The following TAFA1 variants were observed in gnomAD, a reference collection of about 807,000 sequenced individuals.
TAFA1 encodes TAFA chemokine like family member 1.
A neutral mutation model predicts 18.5 loss-of-function variants in TAFA1; 4 were observed. The ratio of observed to expected loss-of-function variants is 0.22; its 90% CI spans 0.11 to 0.49. The LOEUF is 0.49. Among genes scored for constraint, TAFA1 ranks in the 20% least tolerant of loss-of-function variants. The pLI is 0.98. For synonymous variants in TAFA1, 56 were observed against 55.2 expected, an observed-to-expected ratio of 1.01 and a Z score of -0.06; for missense variants, 147 against 169.0, an observed-to-expected ratio of 0.87 and a Z score of 0.72.
chr3:68,304,980 A>T (rs1456145373), intron 2 of TAFA1, among the ~76,000 whole-genome samples: 1 of 152,194 alleles, frequency 6.6e-6, no homozygotes, highest in African/African-American at 2.4e-5. Flanking sequence ...AAAATAGAAT[A>T]TGAAATAATG....
chr3:68,113,866 C>G (rs2106842326), intron 2 of TAFA1, among the ~76,000 whole-genome samples: 1 of 143,530 alleles, frequency 7.0e-6, no homozygotes, highest in South Asian at 2.2e-4. Flanking sequence ...GCAGAAGTGA[C>G]AGTGTGACAG....
At chr3:68,213,737 C>T (rs922832995) in intron 2 of TAFA1, among the ~76,000 whole-genome samples, 2 of 152,026 alleles carry the variant, frequency 1.3e-5, no homozygotes, top group Non-Finnish European at 2.9e-5. Flanking sequence ...ATAATGACCT[C>T]CAGTTTAGTA....
intron 3 of TAFA1, among the ~76,000 whole-genome samples, chr3:68,495,989 T>C (rs1378129079): frequency 1.2e-4 from 16 of 131,426 alleles, no homozygotes; most frequent in African/African-American, 4.3e-4. Context: ...GAACCTTCTT[T>C]CCCTGAAGCA....
At chr3:68,292,944 A>G (rs1361415844) in intron 2 of TAFA1, among the ~76,000 whole-genome samples, 2 of 152,170 alleles carry the variant, frequency 1.3e-5, no homozygotes, top group Non-Finnish European at 2.9e-5. Flanking sequence ...ATTAAGAGGC[A>G]TTTCATTGAT....
At chr3:68,281,849 G>C (rs904182539) in intron 2 of TAFA1, among the ~76,000 whole-genome samples, 1 of 152,036 alleles carries the variant, frequency 6.6e-6, no homozygotes, top group Admixed American at 6.6e-5. Context: ...TTATAATAAA[G>C]GATTGATATT....
chr3:68,094,045 C>T (rs565693107), intron 2 of TAFA1, among the ~76,000 whole-genome samples: 1 of 152,030 alleles, frequency 6.6e-6, no homozygotes, highest in Non-Finnish European at 1.5e-5. Context: ...TGACAGTCAA[C>T]ATGTATAAGG....
At chr3:68,022,193 A>G (rs1704705261) in intron 2 of TAFA1, among the ~76,000 whole-genome samples, 1 of 152,218 alleles carries the variant, frequency 6.6e-6, no homozygotes, top group Admixed American at 6.5e-5. Flanking sequence ...AGAAAACCCT[A>G]TTGATGTACT....
chr3:68,058,057 A>T (rs773598343), intron 2 of TAFA1, among the ~76,000 whole-genome samples: 57 of 152,340 alleles, frequency 3.7e-4, no homozygotes, highest in Middle Eastern at 3.4e-3. Context: ...TAAGAAACTA[A>T]TCACAGGTGT....
At chr3:68,127,168 C>T (rs906855044) in intron 2 of TAFA1, among the ~76,000 whole-genome samples, 1 of 152,154 alleles carries the variant, frequency 6.6e-6, no homozygotes, top group Non-Finnish European at 1.5e-5. Context: ...TATGGAGTTC[C>T]TGAGCAAGTC....
At chr3:68,263,078 G>T (rs1360943809) in intron 2 of TAFA1, among the ~76,000 whole-genome samples, 1 of 152,078 alleles carries the variant, frequency 6.6e-6, no homozygotes, top group East Asian at 1.9e-4. Flanking sequence ...TATTACTCAT[G>T]GGGTTGGAAG....
intron 2 of TAFA1, among the ~76,000 whole-genome samples, chr3:68,385,365 C>G (rs1036690981): frequency 1.3e-5 from 2 of 151,978 alleles, no homozygotes; most frequent in Non-Finnish European, 2.9e-5. Context: ...CTTGCTAAAC[C>G]AGGTTATTAG....
At chr3:68,079,355 C>G (rs1470741122) in intron 2 of TAFA1, among the ~76,000 whole-genome samples, 1 of 152,146 alleles carries the variant, frequency 6.6e-6, no homozygotes, top group Non-Finnish European at 1.5e-5. Flanking sequence ...CTTCTGCTAG[C>G]TTTTGAATGT....
intron 2 of TAFA1, among the ~76,000 whole-genome samples, chr3:68,357,995 G>C (rs1293052003): frequency 6.6e-6 from 1 of 151,914 alleles, no homozygotes; most frequent in Non-Finnish European, 1.5e-5. Context: ...GTGCCTTCTT[G>C]ATATTCTTAC....
At chr3:68,121,249 A>ATG (rs67968765) in intron 2 of TAFA1, among the ~76,000 whole-genome samples, 2,748 of 148,016 alleles carry the variant, frequency 0.019, 48 homozygotes, top group East Asian at 0.062. Flanking sequence ...ATGTACATTA[A>ATG]TGTGTGTGTG....
At chr3:68,397,956 C>A (rs993575010) in intron 2 of TAFA1, among the ~76,000 whole-genome samples, 1 of 152,086 alleles carries the variant, frequency 6.6e-6, no homozygotes. Context: ...ATGCCTATGT[C>A]CTGAATGGTA....
intron 3 of TAFA1, among the ~76,000 whole-genome samples, chr3:68,459,779 T>C (rs941293525): frequency 6.6e-6 from 1 of 152,234 alleles, no homozygotes; most frequent in Non-Finnish European, 1.5e-5. Flanking sequence ...TACTCATGAA[T>C]ATCATCCCCA....
At chr3:68,495,729 C>T (rs1466952845) in intron 3 of TAFA1, among the ~76,000 whole-genome samples, 5 of 152,028 alleles carry the variant, frequency 3.3e-5, no homozygotes, top group African/African-American at 7.2e-5. Context: ...GGACAGGTAT[C>T]TAAAACAACT....
chr3:68,276,057 A>T (rs143232510), intron 2 of TAFA1, among the ~76,000 whole-genome samples: 1 of 152,192 alleles, frequency 6.6e-6, no homozygotes, highest in African/African-American at 2.4e-5. Flanking sequence ...CTACAATTAC[A>T]ATACCCTGAC....
At chr3:68,393,993 A>G (rs1251913737) in intron 2 of TAFA1, among the ~76,000 whole-genome samples, 1 of 152,178 alleles carries the variant, frequency 6.6e-6, no homozygotes, top group Non-Finnish European at 1.5e-5. Flanking sequence ...TATTCAACAT[A>G]GTATTGGAAG....
Sources: gnomAD v4.1 joint callset for allele counts (sites outside exome capture counted in the v4.1 genomes callset) on GRCh38, gnomAD v4.1.1 for gene constraint, MANE v1.5 for transcripts, NCBI Gene and HGNC (gene_info 2026-07-23, HGNC 2026-07-21) for gene names.